Variants in FAT3 observed in about 807,000 individuals in gnomAD.
FAT3 encodes the protein protocadherin Fat 3.
A neutral mutation model predicts 310.2 loss-of-function variants in FAT3; 95 were observed. That is an observed-to-expected ratio of 0.31 (90% CI 0.26 to 0.36). The LOEUF (loss-of-function observed/expected upper bound fraction) is 0.36. Ranked by LOEUF, FAT3 falls within the 10% of genes least tolerant of loss-of-function variation. The pLI is 1.00. For synonymous variants in FAT3, 2,314 were observed against 2,192.9 expected (o/e 1.06, Z -1.54); for missense variants, 5,408 against 5,715.6 (o/e 0.95, Z 1.74).
intron 2 of FAT3, among the ~76,000 whole-genome samples, chr11:92,394,813 G>A (rs1449531519): frequency 6.6e-6 from 1 of 152,010 alleles, no homozygotes; most frequent in African/African-American, 2.4e-5. Flanking sequence ...TAGAATATTC[G>A]TACTTACCAG....
At chr11:92,524,303 CT>C (rs1462720378) in intron 2 of FAT3, among the ~76,000 whole-genome samples, 2 of 152,066 alleles carry the variant, frequency 1.3e-5, no homozygotes, top group Non-Finnish European at 2.9e-5. Flanking sequence ...GCTTTGACCC[CT>C]GGCCCAACCT....
At chr11:92,257,717 G>A (rs541636217) in intron 1 of FAT3, among the ~76,000 whole-genome samples, 1 of 152,156 alleles carries the variant, frequency 6.6e-6, no homozygotes, top group South Asian at 2.1e-4. Context: ...TACATAACTC[G>A]ATTTGTCCCT....
chr11:92,596,260 AC>A (rs1193932272), intron 3 of FAT3, among the ~76,000 whole-genome samples: 1 of 152,136 alleles, frequency 6.6e-6, no homozygotes, highest in Non-Finnish European at 1.5e-5. Flanking sequence ...TTTCTGAAGA[AC>A]CCTGACATCA....
intron 19 of FAT3, among the ~76,000 whole-genome samples, chr11:92,853,396 A>G (rs1315598923): frequency 2.0e-5 from 3 of 152,238 alleles, no homozygotes; most frequent in African/African-American, 7.2e-5. Context: ...AGAACCTCAA[A>G]GAGAGTGTCA....
At chr11:92,524,602 T>C (rs772250037) in intron 2 of FAT3, 32 bp from the exon 3 acceptor site, 4 of 1,591,948 alleles carry the variant, frequency 2.5e-6, no homozygotes, top group Middle Eastern at 1.7e-4. Context: ...TCCCTTTCTC[T>C]GTGACAGTAA....
At chr11:92,887,176 G>A in intron 25 of FAT3, 63 bp downstream of exon 25, 2 of 1,407,038 alleles carry the variant, frequency 1.4e-6, no homozygotes, top group Non-Finnish European at 2.0e-6. Flanking sequence ...GAAGACCATG[G>A]TTGGGAGGAG....
rs1230007043 is a variant in FAT3 at position 92,844,191 on chromosome 11, G to T, written c.10824G>T (p.Leu3608=). ...GTCACGATGGGAAAATCATCGCCCT[G>T]GGAGGCCTGGACAGCGGCAAGTATG... ...VNSHDGKIIA[L]GGLDSGKYVL... Residue 3608 remains leucine, a synonymous_variant, in exon 19 of 28, where the codon CTG becomes CTT. Coordinates refer to ENST00000525166, the MANE Select transcript of FAT3 (RefSeq NM_001367949.2). 2.5e-6 allele frequency: 4 copies of T among 1,613,944 alleles called. No homozygotes were observed. The African/African-American group carries it at 5.3e-5, about 22-fold the overall frequency.
chr11:92,412,728 T>TATATATATATATATATATACAC (rs1950309489), intron 2 of FAT3, among the ~76,000 whole-genome samples: 1 of 45,926 alleles, frequency 2.2e-5, no homozygotes, highest in African/African-American at 6.3e-5. Context: ...TATATATATA[T>TATATATATATATATATATACAC]ATATATATAT....
intron 3 of FAT3, among the ~76,000 whole-genome samples, chr11:92,538,298 C>G (rs890345452): frequency 1.3e-5 from 2 of 152,122 alleles, no homozygotes; most frequent in African/African-American, 4.8e-5. Flanking sequence ...CACCAGTACA[C>G]CCACAAGAAG....
intron 13 of FAT3, among the ~76,000 whole-genome samples, chr11:92,812,435 G>T (rs1177988977): frequency 6.6e-6 from 1 of 151,954 alleles, no homozygotes; most frequent in Admixed American, 6.6e-5. Flanking sequence ...ACAAAAATTA[G>T]CCAGGCATGG....
In FAT3 at chr11:92,315,231, C is replaced by A. The variant is rs371816552; in HGVS notation, c.-17-36865C>A. 4.1e-4 allele frequency among the ~76,000 whole-genome samples: 61 copies of A among 150,076 alleles called. 2 individuals carry two copies. In the South Asian group the frequency reaches 0.012, roughly 31 times the overall value. On this transcript the variant is annotated intron_variant, in intron 1 of 27. Transcript: ENST00000525166. ...TTAAAAATGTAAAAAACAGTGCCTA[C>A]TAGATCCAATTTGGCTCTTTATTTA...
chr11:92,249,905 T>C (rs964943525), intron 1 of FAT3, among the ~76,000 whole-genome samples: 1 of 152,084 alleles, frequency 6.6e-6, no homozygotes, highest in African/African-American at 2.4e-5. Context: ...ATTGCAGATA[T>C]TATTACCTGA....
intron 4 of FAT3, among the ~76,000 whole-genome samples, chr11:92,719,730 G>A (rs1400951239): frequency 7.6e-6 from 1 of 131,180 alleles, no homozygotes; most frequent in Non-Finnish European, 1.8e-5. Context: ...CTGTGTGTGT[G>A]TGTGTGTGTG....
intron 1 of FAT3, among the ~76,000 whole-genome samples, chr11:92,235,024 T>C (rs935227980): frequency 2.6e-5 from 4 of 151,784 alleles, no homozygotes; most frequent in Non-Finnish European, 5.9e-5. Flanking sequence ...TGAGCTAAGA[T>C]TGCGCCACTG....
chr11:92,798,954 C>T lies in FAT3; in HGVS notation c.5941C>T (p.His1981Tyr), dbSNP rs758198980. Residue 1981 changes from histidine to tyrosine, a missense_variant, in exon 10 of 28, where the codon CAC becomes TAC. This residue lies in a region of FAT3 where 4,588 missense variants were observed against 4,809.8 expected (regional missense o/e 0.95). Coordinates refer to ENST00000525166, the MANE Select transcript of FAT3 (RefSeq NM_001367949.2). ...MVKEAMDSGLHFTQSFYSTSI... is the reference protein window; with the variant it reads ...MVKEAMDSGLYFTQSFYSTSI... ...TAAAGAAGCCATGGACAGCGGCCTC[C>T]ACTTTACACAAAGCTTCTATTCCAC... 6.2e-7 allele frequency: 1 copy of T among 1,613,954 alleles called. No homozygotes were observed. The highest frequency in any genetic ancestry group is 8.5e-7 in the Non-Finnish European group (1 of 1,179,864).
intron 4 of FAT3, among the ~76,000 whole-genome samples, chr11:92,747,873 T>C (rs1432169439): frequency 6.6e-6 from 1 of 152,190 alleles, no homozygotes; most frequent in Non-Finnish European, 1.5e-5. Context: ...ATTGTCCATA[T>C]CGCCATCAGC....
intron 4 of FAT3, among the ~76,000 whole-genome samples, chr11:92,705,382 GTGGTGGTGGTGGTGA>G (rs1252234120): frequency 7.3e-5 from 10 of 137,710 alleles, no homozygotes; most frequent in East Asian, 2.3e-4. Flanking sequence ...GATGGTGTTG[GTGGTGGTGGTGGTGA>G]TGGTGGTGGT....
chr11:92,413,175 GA>G (rs1056393521), intron 2 of FAT3, among the ~76,000 whole-genome samples: 11 of 152,036 alleles, frequency 7.2e-5, no homozygotes, highest in African/African-American at 2.7e-4. Flanking sequence ...TCATATGGAT[GA>G]AATCATATTC....
At chr11:92,573,171 A>T (rs1365315222) in intron 3 of FAT3, among the ~76,000 whole-genome samples, 1 of 152,190 alleles carries the variant, frequency 6.6e-6, no homozygotes, top group Non-Finnish European at 1.5e-5. Context: ...TCATAAGCCA[A>T]CATACTAGTG....
Sources: allele counts gnomAD v4.1 joint callset (sites outside exome capture counted in the v4.1 genomes callset), GRCh38; gene constraint gnomAD v4.1.1; regional missense constraint gnomAD v4.1.1; transcripts MANE v1.5; gene names NCBI Gene and HGNC (gene_info 2026-07-23, HGNC 2026-07-21).